Variants in GPR82 observed in about 807,000 individuals in gnomAD.
GPR82 encodes the protein G protein-coupled receptor 82.
GPR82 carries 6 observed loss-of-function variants against 12.9 expected under a neutral mutation model. The observed-to-expected ratio is 0.46, with a 90% CI of 0.25 to 0.92. The LOEUF (loss-of-function observed/expected upper bound fraction) is 0.92. GPR82 is among the 40% of genes least tolerant of loss of function. The probability of loss-of-function intolerance (pLI) is 0.16; values close to 1 mark genes in which losing one functional copy is unlikely to be tolerated. For missense variants in GPR82, 241 were observed against 245.5 expected, an observed-to-expected ratio of 0.98 and a Z score of 0.12; for synonymous variants, 90 against 87.6, an observed-to-expected ratio of 1.03 and a Z score of -0.15.
In GPR82 at chrX:41,724,501, G is replaced by C. The variant is rs184372475; in HGVS notation, c.-106+212G>C. 2.7e-5 allele frequency among the ~76,000 whole-genome samples: 3 copies of C among 112,355 alleles called. No homozygotes were observed. The East Asian group carries it at 8.4e-4, about 31-fold the overall frequency. On this transcript the variant is annotated intron_variant, in intron 1 of 2. Transcript: ENST00000302548. ...CAAAATGTATGCATGAGTGACTTGA[G>C]ATAGACATTCTCCTGAGGGGAATAT...
At chrX:41,726,288 G>C (rs1443556061) in intron 1 of GPR82, among the ~76,000 whole-genome samples, 1 of 112,048 alleles carries the variant, frequency 8.9e-6, no homozygotes, top group African/African-American at 3.2e-5. Flanking sequence ...AACTTTTATT[G>C]AAGTATGACA....
At position 41,728,766 on chromosome X, in the gene GPR82, A is replaced by G. The variant is rs1406107793; in HGVS notation, c.*729A>G. 2 of 123,703 alleles carry G rather than the reference A, an allele frequency of 1.6e-5. No homozygotes were observed. The highest frequency in any genetic ancestry group is 3.8e-5 in the Non-Finnish European group (2 of 53,333). 10.2% of individuals were successfully genotyped at this position (123,703 alleles called of 1,213,427 possible). ...CATAAAACAAAACAAAAAAATAAAA[A>G]TAAGTAAAAAAATAAATAAGAAATA... On this transcript the variant is annotated 3_prime_UTR_variant, in exon 3 of 3. Transcript: ENST00000302548.
rs1450704712 is a variant in GPR82, at chrX:41,727,844, A to T, written c.818A>T (p.Tyr273Phe). The change falls in exon 3 of 3, where the codon TAT (tyrosine) becomes TTT (phenylalanine). Residue 273 changes from tyrosine to phenylalanine, a missense_variant. Physicochemically the swap from Tyr to Phe is conservative, Grantham distance 22. Coordinates refer to ENST00000302548, the MANE Select transcript of GPR82 (RefSeq NM_080817.5). ...LPYSIFKPIFYVLHQRDNCQQ... is the reference protein window; with the variant it reads ...LPYSIFKPIFFVLHQRDNCQQ... Reference sequence around the variant, plus strand: ...TATAGTATTTTTAAACCCATTTTTTATGTTCTACACCAAAGAGATAACTGT... The same window carrying T: ...TATAGTATTTTTAAACCCATTTTTTTTGTTCTACACCAAAGAGATAACTGT... 4 of 1,187,347 alleles carry T rather than the reference A, an allele frequency of 3.4e-6. No homozygotes were observed. In the South Asian group the frequency reaches 5.4e-5, roughly 16 times the overall value.
In GPR82 at chrX:41,727,193, A is replaced by T; in HGVS notation, c.167A>T (p.His56Leu). The change falls in exon 3 of 3, where the codon CAC becomes CTC. Residue 56 changes from histidine to leucine, a missense_variant. Transcript: ENST00000302548. ...ACATCAACGCACATCTACCTGTCAC[A>T]CCTTGTGACTGCAAACTTACTTGTG... ...KKTSTHIYLSHLVTANLLVCS... is the reference protein window; with the variant it reads ...KKTSTHIYLSLLVTANLLVCS... 8.3e-7 allele frequency: 1 copy of T among 1,205,488 alleles called. No homozygotes were observed. Among genetic ancestry groups the T allele is most frequent in the Non-Finnish European group, 1.1e-6 (1 of 890,002 alleles).
chrX:41,724,733 C>A (rs2068226830), intron 1 of GPR82, among the ~76,000 whole-genome samples: 1 of 111,620 alleles, frequency 9.0e-6, no homozygotes, highest in Non-Finnish European at 1.9e-5. Context: ...CACTGAGAGT[C>A]CTACAGAGAC....
At chrX:41,726,121 G>A (rs990589393) in intron 1 of GPR82, among the ~76,000 whole-genome samples, 1 of 111,812 alleles carries the variant, frequency 8.9e-6, no homozygotes, top group African/African-American at 3.3e-5. Context: ...TCTAGTTTTT[G>A]TATTTTTTAT....
In GPR82 at chrX:41,727,698, T is replaced by G. The variant is rs140004648; in HGVS notation, c.672T>G (p.Phe224Leu). ...TAGTACTAACATCATACTACTCTTT[T>G]GTAAGCCATCTGAGAAAAATAAGAA... Reference protein sequence around the residue: ...FLVVLTSYYSFVSHLRKIRTC... With the variant: ...FLVVLTSYYSLVSHLRKIRTC... The change falls in exon 3 of 3, where the codon TTT becomes TTG. Residue 224 changes from phenylalanine to leucine, a missense_variant. Physicochemically the swap from Phe to Leu is conservative, Grantham distance 22 (BLOSUM62 0). Transcript: ENST00000302548. 1.3e-5 allele frequency: 16 copies of G among 1,199,418 alleles called. No individual in the cohort carries two copies. The highest frequency in any genetic ancestry group is 1.8e-5 in the African/African-American group (1 of 57,030).
At position 41,727,404 on chromosome X, in the gene GPR82, C is replaced by T. The variant is rs1192109149; in HGVS notation, c.378C>T (p.Ser126=). ...SRYATLMQKD[S]SQETTSCYEK... ...ATGCTACCTTAATGCAAAAGGATTC[C>T]TCGCAAGAGACTACTTCATGCTATG... The change falls in exon 3 of 3, where the codon TCC becomes TCT. Residue 126 remains serine, a synonymous_variant. Coordinates refer to ENST00000302548, the MANE Select transcript of GPR82 (RefSeq NM_080817.5). 8.3e-7 allele frequency: 1 copy of T among 1,211,071 alleles called. No homozygotes were observed. Among genetic ancestry groups the T allele is most frequent in the East Asian group, 3.0e-5 (1 of 33,874 alleles).
Position 41,727,241 on chromosome X carries a change from GTATC to G in GPR82, c.219_222del (p.Tyr74SerfsTer2), listed in dbSNP as rs752384079. 1.2e-5 allele frequency: 14 copies of G among 1,201,936 alleles called. No homozygotes were observed. The highest frequency in any genetic ancestry group is 1.6e-5 in the Non-Finnish European group (14 of 887,811). On this transcript the variant is annotated frameshift_variant, in exon 3 of 3. Transcript: ENST00000302548. LOFTEE classifies it high-confidence loss of function. The stretch of plus-strand genomic sequence containing the variant: ...GTGTGCAGTGCCATGCCTTTCATGA[GTATC>G]TATTTCCTGAAAGGTTTCCAATGGG...
chrX:41,725,841 G>T (rs186041926), intron 1 of GPR82, among the ~76,000 whole-genome samples: 133 of 111,986 alleles, frequency 1.2e-3, no homozygotes, highest in African/African-American at 4.1e-3. Context: ...AACAAGCATA[G>T]CAGCTACAGT....
rs745907529 is a variant in GPR82, at chrX:41,727,717, A to G, written c.691A>G (p.Ile231Val). 59 of 1,202,649 alleles carry G rather than the reference A, an allele frequency of 4.9e-5. No homozygotes were observed. The highest frequency in any genetic ancestry group is 4.9e-4 in the African/African-American group (28 of 57,165). The change falls in exon 3 of 3, where the codon ATA (isoleucine) becomes GTA (valine). Residue 231 changes from isoleucine (I) to valine (V), a missense_variant. By Grantham distance (29) the Ile-to-Val change is conservative (BLOSUM62 3). Transcript: ENST00000302548. ...YYSFVSHLRK[I>V]RTCTSIMEKD... ...CTCTTTTGTAAGCCATCTGAGAAAA[A>G]TAAGAACCTGTACGTCCATTATGGA...
chrX:41,727,965 T>A lies in GPR82; in HGVS notation c.939T>A (p.Asp313Glu). 1 of 1,169,885 alleles carries A rather than the reference T, an allele frequency of 8.5e-7. No individual in the cohort carries two copies. Among genetic ancestry groups the A allele is most frequent in the Non-Finnish European group, 1.2e-6 (1 of 859,547 alleles). ...ACCCCATTATATTTCTTTTATTAGA[T>A]AAAACATTCAAGAAGACACTATATA... ...STDPIIFLLL[D>E]KTFKKTLYNL... is the part of the protein sequence containing the mutation. Residue 313 changes from aspartate to glutamate, a missense_variant, in exon 3 of 3, where the codon GAT becomes GAA. Asp to Glu is a conservative substitution (Grantham distance 45). Coordinates refer to ENST00000302548, the MANE Select transcript of GPR82 (RefSeq NM_080817.5).
rs1020254631 is a variant in GPR82 at position 41,727,638 on chromosome X, C to T, written c.612C>T (p.Leu204=). 2.5e-6 allele frequency: 3 copies of T among 1,207,403 alleles called. No individual in the cohort carries two copies. Among genetic ancestry groups the T allele is most frequent in the African/African-American group, 3.5e-5 (2 of 57,092 alleles). ...CCATGATCTCTCAGATTGCAGGTCT[C>T]ATTGGAACCACATTTATTGGATTTT... ...LGAMISQIAG[L]IGTTFIGFSF... Residue 204 remains leucine, a synonymous_variant, in exon 3 of 3, where the codon CTC becomes CTT. Coordinates refer to ENST00000302548, the MANE Select transcript of GPR82 (RefSeq NM_080817.5).
rs749492570 is a variant in GPR82, at chrX:41,727,943, C to A, written c.917C>A (p.Pro306His). 3 of 1,176,889 alleles carry A rather than the reference C, an allele frequency of 2.5e-6. No homozygotes were observed. The highest frequency in any genetic ancestry group is 3.5e-6 in the Non-Finnish European group (3 of 865,795). The change falls in exon 3 of 3, where the codon CCC (proline) becomes CAC (histidine). Residue 306 changes from proline (P) to histidine (H), a missense_variant. By Grantham distance (77) the Pro-to-His change is moderately conservative. Coordinates refer to ENST00000302548, the MANE Select transcript of GPR82 (RefSeq NM_080817.5). ...CLASARSSTDPIIFLLLDKTF... is the reference protein window; with the variant it reads ...CLASARSSTDHIIFLLLDKTF... Reference sequence around the variant, plus strand: ...GCTTCGGCCAGAAGTAGCACAGACCCCATTATATTTCTTTTATTAGATAAA... The same window carrying A: ...GCTTCGGCCAGAAGTAGCACAGACCACATTATATTTCTTTTATTAGATAAA...
Position 41,729,159 on chromosome X carries a change from A to T in GPR82, c.*1122A>T, listed in dbSNP as rs2068322275. On this transcript the variant is annotated 3_prime_UTR_variant, in exon 3 of 3. Coordinates refer to ENST00000302548, the MANE Select transcript of GPR82 (RefSeq NM_080817.5). ...AGTTAAGAGATTGATCTCTGAAGTT[A>T]TACTTCTTGGGTTCAATCTGGCTCT... is the stretch of plus-strand genomic sequence containing the variant. 8.1e-6 allele frequency: 1 copy of T among 123,481 alleles called. No individual in the cohort carries two copies. Among genetic ancestry groups the T allele is most frequent in the Admixed American group, 9.4e-5 (1 of 10,592 alleles). The allele number at this position is 123,481 out of a possible 1,213,427, so 10.2% of individuals were successfully genotyped here. A position where few individuals can be genotyped will look rare whatever the true frequency, so the allele number is the denominator to read the frequency against.
intron 1 of GPR82, among the ~76,000 whole-genome samples, chrX:41,725,952 A>G (rs1423308101): frequency 9.0e-6 from 1 of 111,698 alleles, no homozygotes. Context: ...CCTAGGCTCA[A>G]CTGATCCTCA....
In GPR82 at chrX:41,728,079, T is replaced by C; in HGVS notation, c.*42T>C. On this transcript the variant is annotated 3_prime_UTR_variant, in exon 3 of 3. Transcript: ENST00000302548. ...CCCACAATATTAAGAAAAGCATTCA[T>C]GTGACTTTATTAGGGACACTAAACT... 2 of 753,946 alleles carry C rather than the reference T, an allele frequency of 2.7e-6. No homozygotes were observed. The highest frequency in any genetic ancestry group is 4.2e-5 in the Admixed American group (1 of 23,839). 62.1% of individuals were successfully genotyped at this position (753,946 alleles called of 1,213,427 possible).
In GPR82 at chrX:41,727,104, T is replaced by C; in HGVS notation, c.78T>C (p.Cys26=). 2 of 1,176,853 alleles carry C rather than the reference T, an allele frequency of 1.7e-6. No homozygotes were observed. Among genetic ancestry groups the C allele is most frequent in the Non-Finnish European group, 2.3e-6 (2 of 863,830 alleles). Reference sequence around the variant, plus strand: ...TACCAATCATTTACATCCTCCTTTGTATTGTTGGTGTTTTTGGAAACACTC... The same window carrying C: ...TACCAATCATTTACATCCTCCTTTGCATTGTTGGTGTTTTTGGAAACACTC... ...MALPIIYILL[C]IVGVFGNTLS... is the part of the protein sequence containing the mutation. Residue 26 remains cysteine (C), a synonymous_variant, in exon 3 of 3, where the codon TGT becomes TGC. Coordinates refer to ENST00000302548, the MANE Select transcript of GPR82 (RefSeq NM_080817.5).
In GPR82 at chrX:41,727,472, C is replaced by A. The variant is rs1310284199; in HGVS notation, c.446C>A (p.Pro149His). The change falls in exon 3 of 3, where the codon CCC (proline) becomes CAC (histidine). Residue 149 changes from proline to histidine, a missense_variant. Pro to His is a moderately conservative substitution (Grantham distance 77). Transcript: ENST00000302548. ...CATTTACTGAAAAAATTTCGCCAGC[C>A]CAACTTTGCTAGAAAACTATGCATT... is the stretch of plus-strand genomic sequence containing the variant. ...YGHLLKKFRQ[P>H]NFARKLCIYI... The A allele has an allele frequency of 8.3e-7, 1 of 1,209,120 alleles. No homozygotes were observed. Among genetic ancestry groups the A allele is most frequent in the South Asian group, 1.8e-5 (1 of 56,935 alleles).
Sources: gnomAD v4.1 joint callset for allele counts (sites outside exome capture counted in the v4.1 genomes callset) on GRCh38, gnomAD v4.1.1 for gene constraint, MANE v1.5 for transcripts, NCBI Gene and HGNC (gene_info 2026-07-23, HGNC 2026-07-21) for gene names.